TMEM174: variants seen among roughly 807,000 people sequenced by gnomAD.
TMEM174 encodes the protein transmembrane protein 174.
TMEM174 carries 11 observed loss-of-function variants against 15.1 expected under a neutral mutation model. The ratio of observed to expected loss-of-function variants is 0.73; its 90% CI spans 0.46 to 1.20. The LOEUF (loss-of-function observed/expected upper bound fraction) is 1.20. Among genes scored for constraint, TMEM174 ranks in the 50% most tolerant of loss-of-function variants. TMEM174 has a pLI of 0.00. For missense variants in TMEM174, 321 were observed against 303.6 expected (o/e 1.06, Z -0.43); for synonymous variants, 130 against 121.3 (o/e 1.07, Z -0.47).
Position 73,173,572 on chromosome 5 carries a change from A to G in TMEM174, c.329A>G (p.Asp110Gly). Reference protein sequence around the residue: ...LCKESEERVPDSEQTPGGPSF... With the variant: ...LCKESEERVPGSEQTPGGPSF... Reference sequence around the variant, plus strand: ...AAAGAAAGTGAGGAAAGGGTCCCGGACTCGGAACAGACACCAGGAGGACCA... The same window carrying G: ...AAAGAAAGTGAGGAAAGGGTCCCGGGCTCGGAACAGACACCAGGAGGACCA... The change falls in exon 1 of 2, where the codon GAC becomes GGC. Residue 110 changes from aspartate (D) to glycine (G), a missense_variant. Transcript: ENST00000296776. 6.2e-7 allele frequency: 1 copy of G among 1,614,120 alleles called. No individual in the cohort carries two copies. Among genetic ancestry groups the G allele is most frequent in the South Asian group, 1.1e-5 (1 of 91,078 alleles).
Position 73,175,134 on chromosome 5 carries a change from G to A in TMEM174, c.*969G>A, listed in dbSNP as rs1392439324. 6.6e-6 allele frequency: 1 copy of A among 152,248 alleles called. No individual in the cohort carries two copies. The highest frequency in any genetic ancestry group is 1.5e-5 in the Non-Finnish European group (1 of 68,032). The allele number at this position is 152,248 out of a possible 1,614,324, so 9.4% of individuals were successfully genotyped here. A position where few individuals can be genotyped will look rare whatever the true frequency, so the allele number is the denominator to read the frequency against. ...CATCTTCTTCATTAAAAAAACTTTGGTGTCCTTAATCTCTCTGAATTTGGC... is the reference window on the plus strand; with the variant it reads ...CATCTTCTTCATTAAAAAAACTTTGATGTCCTTAATCTCTCTGAATTTGGC... On this transcript the variant is annotated 3_prime_UTR_variant, in exon 2 of 2. Transcript: ENST00000296776.
rs1420834387 is a variant in TMEM174, at chr5:73,173,808, G to C, written c.565G>C (p.Asp189His). ...TCAATACTACACCATCTACCCTCAA[G>C]ATAACTCTGCATTTGTGGTTGATGA... ...PPQYYTIYPQ[D>H]NSAFVVDEGC... The change falls in exon 1 of 2, where the codon GAT becomes CAT. Residue 189 changes from aspartate to histidine, a missense_variant. Asp to His is a moderately conservative substitution (Grantham distance 81, BLOSUM62 -1). Transcript: ENST00000296776. The C allele has an allele frequency of 1.9e-6, 3 of 1,614,038 alleles. No homozygotes were observed. The African/African-American group carries it at 4.0e-5, about 22-fold the overall frequency.
Position 73,174,251 on chromosome 5 carries a change from T to C in TMEM174, c.*86T>C, listed in dbSNP as rs184654444. The C allele has an allele frequency of 2.4e-3, 3,138 of 1,317,630 alleles. 6 individuals are homozygous for C. Among genetic ancestry groups the C allele is most frequent in the Non-Finnish European group, 2.4e-3 (2,208 of 923,262 alleles). 81.6% of individuals were successfully genotyped at this position (1,317,630 alleles called of 1,614,324 possible). On this transcript the variant is annotated 3_prime_UTR_variant, in exon 2 of 2. Coordinates refer to ENST00000296776, the MANE Select transcript of TMEM174 (RefSeq NM_153217.3). ...TACCTGACAACCGTGGTGTTCTATG[T>C]TGTAACCTTCAGAAGTTACAGCAGC...
chr5:73,173,466 G>C lies in TMEM174; in HGVS notation c.223G>C (p.Gly75Arg). 6.2e-7 allele frequency: 1 copy of C among 1,614,240 alleles called. No homozygotes were observed. Residue 75 changes from glycine to arginine, a missense_variant, in exon 1 of 2, where the codon GGG becomes CGG. Gly to Arg is a moderately radical substitution (Grantham distance 125). Transcript: ENST00000296776. ...VSHFEWTQLL[G>R]PVLLSVGVTF... ...CCACTTTGAATGGACCCAGCTCCTTGGGCCCGTCCTGCTGTCAGTTGGGGT... is the reference window on the plus strand; with the variant it reads ...CCACTTTGAATGGACCCAGCTCCTTCGGCCCGTCCTGCTGTCAGTTGGGGT...
In TMEM174 at chr5:73,174,047, G is replaced by T. The variant is rs1376356026; in HGVS notation, c.627-13G>T. 2 of 1,613,362 alleles carry T rather than the reference G, an allele frequency of 1.2e-6. No individual in the cohort carries two copies. Among genetic ancestry groups the T allele is most frequent in the African/African-American group, 2.7e-5 (2 of 74,880 alleles). On this transcript the variant is annotated splice_polypyrimidine_tract_variant and intron_variant, in intron 1 of 1. Transcript: ENST00000296776. ...GGACCATAATGTACCTGTGTTTTCT[G>T]CTCACATTTCAGGCCCAATCCTGAT...
rs1024472948 is a variant in TMEM174, at chr5:73,174,258, C to T, written c.*93C>T. 25 of 1,237,780 alleles carry T rather than the reference C, an allele frequency of 2.0e-5. No individual in the cohort carries two copies. The highest frequency in any genetic ancestry group is 2.7e-5 in the Non-Finnish European group (23 of 857,672). The allele number at this position is 1,237,780 out of a possible 1,614,324, so 76.7% of individuals were successfully genotyped here. A position where few individuals can be genotyped will look rare whatever the true frequency, so the allele number is the denominator to read the frequency against. ...CAACCGTGGTGTTCTATGTTGTAAC[C>T]TTCAGAAGTTACAGCAGCGCCCAGG... On this transcript the variant is annotated 3_prime_UTR_variant, in exon 2 of 2. Transcript: ENST00000296776.
intron 1 of TMEM174, 23 bp from the exon 2 acceptor site, chr5:73,174,037 T>C (rs1173610032): frequency 1.5e-5 from 24 of 1,612,828 alleles, no homozygotes; most frequent in Non-Finnish European, 2.0e-5. Context: ...ATAATGTACC[T>C]GTGTTTTCTG....
rs1458899584 is a variant in TMEM174 at position 73,174,592 on chromosome 5, G to A, written c.*427G>A. On this transcript the variant is annotated 3_prime_UTR_variant, in exon 2 of 2. Transcript: ENST00000296776. ...TCGGGTGGGAAGGAAGCAGGGAAGA[G>A]AAAGCAGGCCCAGCTGGAGATTTCC... The A allele has an allele frequency of 6.3e-6, 1 of 159,588 alleles. No homozygotes were observed. The highest frequency in any genetic ancestry group is 6.3e-5 in the Admixed American group (1 of 15,976). The allele number at this position is 159,588 out of a possible 1,614,324, so 9.9% of individuals were successfully genotyped here. A position where few individuals can be genotyped will look rare whatever the true frequency, so the allele number is the denominator to read the frequency against.
rs1745014166 is a variant in TMEM174 at position 73,173,573 on chromosome 5, C to T, written c.330C>T (p.Asp110=). 7.4e-6 allele frequency: 12 copies of T among 1,614,098 alleles called. No homozygotes were observed. The highest frequency in any genetic ancestry group is 1.0e-5 in the Non-Finnish European group (12 of 1,180,058). The change falls in exon 1 of 2, where the codon GAC becomes GAT. Residue 110 remains aspartate (D), a synonymous_variant. Coordinates refer to ENST00000296776, the MANE Select transcript of TMEM174 (RefSeq NM_153217.3). ...LCKESEERVP[D]SEQTPGGPSF... is the part of the protein sequence containing the mutation. ...AAGAAAGTGAGGAAAGGGTCCCGGA[C>T]TCGGAACAGACACCAGGAGGACCAT...
At position 73,173,886 on chromosome 5, in the gene TMEM174, G is replaced by A. The variant is rs771040300; in HGVS notation, c.626+17G>A. On this transcript the variant is annotated intron_variant, in intron 1 of 1. Transcript: ENST00000296776. Reference sequence around the variant, plus strand: ...AAATCACAGGTATGGCGTGTCTACTGGGGGAATGCACTCCTTCTAGCCATC... The same window carrying A: ...AAATCACAGGTATGGCGTGTCTACTAGGGGAATGCACTCCTTCTAGCCATC... 1.9e-6 allele frequency: 3 copies of A among 1,604,750 alleles called. No individual in the cohort carries two copies. The highest frequency in any genetic ancestry group is 2.6e-6 in the Non-Finnish European group (3 of 1,174,018).
In TMEM174 at chr5:73,174,242, T is replaced by C; in HGVS notation, c.*77T>C. 1.5e-6 allele frequency: 2 copies of C among 1,374,836 alleles called. No homozygotes were observed. Among genetic ancestry groups the C allele is most frequent in the Non-Finnish European group, 2.1e-6 (2 of 971,146 alleles). 85.2% of individuals were successfully genotyped at this position (1,374,836 alleles called of 1,614,324 possible). ...CGTCATTGTTACCTGACAACCGTGG[T>C]GTTCTATGTTGTAACCTTCAGAAGT... On this transcript the variant is annotated 3_prime_UTR_variant, in exon 2 of 2. Transcript: ENST00000296776.
In TMEM174 at chr5:73,174,107, A is replaced by T; in HGVS notation, c.674A>T (p.Glu225Val). ...CTAGAAGAGACACAGCTGGAAGAGG[A>T]GGCCTGTGCCTGCTTCTCTCCTCCC... Reference protein sequence around the residue: ...DQLEETQLEEEACACFSPPPY... With the variant: ...DQLEETQLEEVACACFSPPPY... Residue 225 changes from glutamate to valine, a missense_variant, in exon 2 of 2, where the codon GAG becomes GTG. Coordinates refer to ENST00000296776, the MANE Select transcript of TMEM174 (RefSeq NM_153217.3). The T allele has an allele frequency of 6.2e-7, 1 of 1,614,152 alleles. No individual in the cohort carries two copies. The highest frequency in any genetic ancestry group is 8.5e-7 in the Non-Finnish European group (1 of 1,180,034).
Sources: gnomAD v4.1 joint callset for allele counts on GRCh38, gnomAD v4.1.1 for gene constraint, MANE v1.5 for transcripts, NCBI Gene and HGNC (gene_info 2026-07-23, HGNC 2026-07-21) for gene names.